The following CHTF8 variants were observed in gnomAD, a reference collection of about 807,000 sequenced individuals.
CHTF8 encodes chromosome transmission fidelity protein 8 homolog.
Under a neutral mutation model 11.0 loss-of-function variants are expected in CHTF8, and 6 were observed. That is an observed-to-expected ratio of 0.55 (90% confidence interval 0.30 to 1.08). The LOEUF (loss-of-function observed/expected upper bound fraction) is 1.08. Among genes scored for constraint, CHTF8 ranks in the 50% least tolerant of loss-of-function variants. The pLI is 0.07. For missense variants in CHTF8, 140 were observed against 153.1 expected, an observed-to-expected ratio of 0.91 and a Z score of 0.45; for synonymous variants, 53 against 60.5, an observed-to-expected ratio of 0.88 and a Z score of 0.57.
At chr16:69,131,571 A>C (rs1178107830) in intron 1 of CHTF8, among the ~76,000 whole-genome samples, 1 of 129,128 alleles carries the variant, frequency 7.7e-6, no homozygotes, top group Non-Finnish European at 1.6e-5. Flanking sequence ...TTCTAGTCCC[A>C]CCCACTTTCT....
chr16:69,132,488 A>C lies in CHTF8; in HGVS notation c.-40T>G. 3.8e-6 allele frequency: 1 copy of C among 263,242 alleles called. No individual in the cohort carries two copies. 16.3% of individuals were successfully genotyped at this position (263,242 alleles called of 1,614,324 possible). The stretch of plus-strand genomic sequence containing the variant: ...GCCCCCCGCCCGCGGCCTGACCTGC[A>C]ATGGCGGCCGCCGAGCGCGGCGCCG... On this transcript the variant is annotated 5_prime_UTR_variant, in exon 1 of 4. In the 5' UTR this introduces an upstream ATG that the reference lacks. Transcript: ENST00000448552.
In CHTF8 at chr16:69,119,899, A is replaced by C; in HGVS notation, c.*526T>G. 1 of 702,280 alleles carries C rather than the reference A, an allele frequency of 1.4e-6. No individual in the cohort carries two copies. Among genetic ancestry groups the C allele is most frequent in the Admixed American group, 2.0e-5 (1 of 50,026 alleles). 43.5% of individuals were successfully genotyped at this position (702,280 alleles called of 1,614,324 possible). On this transcript the variant is annotated 3_prime_UTR_variant, in exon 4 of 4. Coordinates refer to ENST00000448552, the MANE Select transcript of CHTF8 (RefSeq NM_001039690.5). ...CAGGTTAGGTCCAGATCCAGGGCCC[A>C]TGGGACCACCACCTCTGGGGTCAGG... is the stretch of plus-strand genomic sequence containing the variant.
rs1961353904 is a variant in CHTF8, at chr16:69,118,599, A to C, written c.*1826T>G. 2.8e-6 allele frequency: 2 copies of C among 717,894 alleles called. No individual in the cohort carries two copies. The highest frequency in any genetic ancestry group is 2.5e-6 in the Non-Finnish European group (1 of 393,244). The allele number at this position is 717,894 out of a possible 1,614,324, so 44.5% of individuals were successfully genotyped here. ...GGGCAGAAAGCTGTGGGACGAAAGC[A>C]CAGCAGGCTTCTGGGAGGCTGGAGA... On this transcript the variant is annotated 3_prime_UTR_variant, in exon 4 of 4. Transcript: ENST00000448552.
Position 69,120,585 on chromosome 16 carries a change from G to C in CHTF8, c.206C>G (p.Pro69Arg). Residue 69 changes from proline to arginine, a missense_variant, in exon 4 of 4, where the codon CCT (proline) becomes CGT (arginine). Pro to Arg is a moderately radical substitution (Grantham distance 103). Coordinates refer to ENST00000448552, the MANE Select transcript of CHTF8 (RefSeq NM_001039690.5). This position sits in a 1 kb window ranked among gnomAD's most constrained non-coding sequence, Gnocchi z 4.0. Reference sequence around the variant, plus strand: ...AGTGTGTTTGACAAGGACTGCAAAAGGTTTCTCCAGGTGGATGATTTTCCC... The same window carrying C: ...AGTGTGTTTGACAAGGACTGCAAAACGTTTCTCCAGGTGGATGATTTTCCC... The part of the protein sequence containing the change: ...LYGKIIHLEK[P>R]FAVLVKHTPG... 1.2e-6 allele frequency: 2 copies of C among 1,614,086 alleles called. No individual in the cohort carries two copies. Among genetic ancestry groups the C allele is most frequent in the Non-Finnish European group, 1.7e-6 (2 of 1,179,990 alleles).
chr16:69,120,063 G>C lies in CHTF8; in HGVS notation c.*362C>G, dbSNP rs761382384. On this transcript the variant is annotated 3_prime_UTR_variant, in exon 4 of 4. Coordinates refer to ENST00000448552, the MANE Select transcript of CHTF8 (RefSeq NM_001039690.5). This position sits in a 1 kb window ranked among gnomAD's most constrained non-coding sequence, Gnocchi z 4.0. ...GGTTTAGGGTGGGGCCTGGGCCTGG[G>C]CCTGGCCCCAAGAGGCCACCAGGCC... 7.2e-6 allele frequency: 5 copies of C among 691,010 alleles called. No homozygotes were observed. In the East Asian group the frequency reaches 8.1e-5, roughly 11 times the overall value. The allele number at this position is 691,010 out of a possible 1,614,324, so 42.8% of individuals were successfully genotyped here. A position where few individuals can be genotyped will look rare whatever the true frequency, so the allele number is the denominator to read the frequency against.
At chr16:69,127,096 C>G (rs56237738) in intron 1 of CHTF8, among the ~76,000 whole-genome samples, 1 of 151,870 alleles carries the variant, frequency 6.6e-6, no homozygotes, top group Non-Finnish European at 1.5e-5. Context: ...AAATTAGCCG[C>G]GCGTGGTGGC....
Position 69,118,761 on chromosome 16 carries a change from C to T in CHTF8, c.*1664G>A, listed in dbSNP as rs1961369919. ...TTGAGCCCAAGCTATGTTCTTCAGA[C>T]TGTAGCTCCACAACTACCCTTTTAC... On this transcript the variant is annotated 3_prime_UTR_variant, in exon 4 of 4. Transcript: ENST00000448552. 1.6e-6 allele frequency: 1 copy of T among 639,756 alleles called. No individual in the cohort carries two copies. Among genetic ancestry groups the T allele is most frequent in the Admixed American group, 2.4e-5 (1 of 40,856 alleles). 39.6% of individuals were successfully genotyped at this position (639,756 alleles called of 1,614,324 possible).
chr16:69,119,545 G>A lies in CHTF8; in HGVS notation c.*880C>T, dbSNP rs1197026057. 1 of 702,926 alleles carries A rather than the reference G, an allele frequency of 1.4e-6. No individual in the cohort carries two copies. Among genetic ancestry groups the A allele is most frequent in the Non-Finnish European group, 2.6e-6 (1 of 384,946 alleles). 43.5% of individuals were successfully genotyped at this position (702,926 alleles called of 1,614,324 possible). On this transcript the variant is annotated 3_prime_UTR_variant, in exon 4 of 4. Coordinates refer to ENST00000448552, the MANE Select transcript of CHTF8 (RefSeq NM_001039690.5). ...TGGGCTTGTGCCCATGTTTCCAGAA[G>A]CCTGTGAGAAAGAAGCTGAATTTGC...
chr16:69,128,573 G>A (rs1172652721), intron 1 of CHTF8, among the ~76,000 whole-genome samples: 1 of 152,014 alleles, frequency 6.6e-6, no homozygotes, highest in Non-Finnish European at 1.5e-5. Context: ...GTATTCCTAA[G>A]TTAGTCAAAC....
Position 69,118,127 on chromosome 16 carries a change from A to AAAT in CHTF8, c.*2297_*2298insATT. On this transcript the variant is annotated 3_prime_UTR_variant, in exon 4 of 4. Transcript: ENST00000448552. ...CAGTGATTTCTTCCCTTCATCCCCC[A>AAAT]CCCCCACCCTAATTCCCATATTCCC... The AAAT allele has an allele frequency of 7.2e-6, 1 of 138,046 alleles. No individual in the cohort carries two copies. Among genetic ancestry groups the AAAT allele is most frequent in the South Asian group, 6.3e-5 (1 of 15,792 alleles). The allele number at this position is 138,046 out of a possible 1,614,324, so 8.6% of individuals were successfully genotyped here.
Position 69,120,176 on chromosome 16 carries a change from G to A in CHTF8, c.*249C>T, listed in dbSNP as rs568141371. On this transcript the variant is annotated 3_prime_UTR_variant, in exon 4 of 4. Coordinates refer to ENST00000448552, the MANE Select transcript of CHTF8 (RefSeq NM_001039690.5). This position sits in a 1 kb window ranked among gnomAD's most constrained non-coding sequence, Gnocchi z 4.0. ...GGGTCACGAGCACCAGCCGGGAAAG[G>A]TGCTGGATTTGAAGCCAATGAGCCT... is the stretch of plus-strand genomic sequence containing the variant. The A allele has an allele frequency of 2.9e-6, 2 of 701,710 alleles. No individual in the cohort carries two copies. Among genetic ancestry groups the A allele is most frequent in the Admixed American group, 2.0e-5 (1 of 50,028 alleles). 43.5% of individuals were successfully genotyped at this position (701,710 alleles called of 1,614,324 possible). A position where few individuals can be genotyped will look rare whatever the true frequency, so the allele number is the denominator to read the frequency against.
Position 69,118,770 on chromosome 16 carries a change from C to T in CHTF8, c.*1655G>A. On this transcript the variant is annotated 3_prime_UTR_variant, in exon 4 of 4. Transcript: ENST00000448552. Reference sequence around the variant, plus strand: ...AGCTATGTTCTTCAGACTGTAGCTCCACAACTACCCTTTTACCTAAGACAG... The same window carrying T: ...AGCTATGTTCTTCAGACTGTAGCTCTACAACTACCCTTTTACCTAAGACAG... 1 of 639,810 alleles carries T rather than the reference C, an allele frequency of 1.6e-6. No homozygotes were observed. Among genetic ancestry groups the T allele is most frequent in the South Asian group, 1.8e-5 (1 of 55,550 alleles). The allele number at this position is 639,810 out of a possible 1,614,324, so 39.6% of individuals were successfully genotyped here. A position where few individuals can be genotyped will look rare whatever the true frequency, so the allele number is the denominator to read the frequency against.
In CHTF8 at chr16:69,120,899, G is replaced by A. The variant is rs745497016; in HGVS notation, c.141+154C>T. 1.0e-4 allele frequency: 83 copies of A among 798,502 alleles called. No homozygotes were observed. The highest frequency in any genetic ancestry group is 1.5e-4 in the Non-Finnish European group (69 of 446,052). 49.5% of individuals were successfully genotyped at this position (798,502 alleles called of 1,614,324 possible). ...CCCAAAATTAAATTTCCCTGCTACTGCAGAGGTAGGGGGAGAACAAGCAGA... is the reference window on the plus strand; with the variant it reads ...CCCAAAATTAAATTTCCCTGCTACTACAGAGGTAGGGGGAGAACAAGCAGA... On this transcript the variant is annotated intron_variant, in intron 3 of 3. Coordinates refer to ENST00000448552, the MANE Select transcript of CHTF8 (RefSeq NM_001039690.5). The surrounding 1 kb of genome is among the most constrained non-coding windows in gnomAD (Gnocchi z 4.0).
Position 69,120,258 on chromosome 16 carries a change from A to G in CHTF8, c.*167T>C. 1 of 723,628 alleles carries G rather than the reference A, an allele frequency of 1.4e-6. No individual in the cohort carries two copies. Among genetic ancestry groups the G allele is most frequent in the Non-Finnish European group, 2.5e-6 (1 of 400,730 alleles). The allele number at this position is 723,628 out of a possible 1,614,324, so 44.8% of individuals were successfully genotyped here. On this transcript the variant is annotated 3_prime_UTR_variant, in exon 4 of 4. Coordinates refer to ENST00000448552, the MANE Select transcript of CHTF8 (RefSeq NM_001039690.5). This position sits in a 1 kb window ranked among gnomAD's most constrained non-coding sequence, Gnocchi z 4.0. The stretch of plus-strand genomic sequence containing the variant: ...GAAATGGGGTCAGATTTCCACCAAG[A>G]GAACCGGCCGCCATAAGGAAGGGAT...
intron 1 of CHTF8, among the ~76,000 whole-genome samples, chr16:69,128,496 A>G (rs1044539221): frequency 6.6e-6 from 1 of 152,222 alleles, no homozygotes; most frequent in Non-Finnish European, 1.5e-5. Context: ...GAGGAGGGAA[A>G]AAAGTTTTCT....
Position 69,118,521 on chromosome 16 carries a change from T to A in CHTF8, c.*1904A>T, listed in dbSNP as rs775897961. On this transcript the variant is annotated 3_prime_UTR_variant, in exon 4 of 4. Transcript: ENST00000448552. ...GTGAACTGGGACCTGCAGGCCAATG[T>A]ATCCCTGAGGAAAAGTCCACAAGAA... is the stretch of plus-strand genomic sequence containing the variant. The A allele has an allele frequency of 1.0e-6, 1 of 994,580 alleles. No homozygotes were observed. The highest frequency in any genetic ancestry group is 1.6e-5 in the African/African-American group (1 of 63,120). 61.6% of individuals were successfully genotyped at this position (994,580 alleles called of 1,614,324 possible).
chr16:69,120,454 T>A lies in CHTF8; in HGVS notation c.337A>T (p.Ile113Phe). ...ACTTTCTTGGGGACGCTGGTGATAATGGGCTTGGGGCGGGTTTTGAAAAGG... is the reference window on the plus strand; with the variant it reads ...ACTTTCTTGGGGACGCTGGTGATAAAGGGCTTGGGGCGGGTTTTGAAAAGG... ...KILFKTRPKP[I>F]ITSVPKKV is the part of the protein sequence containing the mutation. Residue 113 changes from isoleucine to phenylalanine, a missense_variant, in exon 4 of 4, where the codon ATT (isoleucine) becomes TTT (phenylalanine). Coordinates refer to ENST00000448552, the MANE Select transcript of CHTF8 (RefSeq NM_001039690.5). This position sits in a 1 kb window ranked among gnomAD's most constrained non-coding sequence, Gnocchi z 4.0. 6.2e-7 allele frequency: 1 copy of A among 1,614,122 alleles called. No homozygotes were observed. Among genetic ancestry groups the A allele is most frequent in the South Asian group, 1.1e-5 (1 of 91,080 alleles).
At chr16:69,130,631 G>A (rs1962429745) in intron 1 of CHTF8, among the ~76,000 whole-genome samples, 1 of 152,178 alleles carries the variant, frequency 6.6e-6, no homozygotes, top group East Asian at 1.9e-4. Context: ...TATTTTGAAA[G>A]GCTGTTGCAA....
chr16:69,129,279 A>C (rs1433601217), intron 1 of CHTF8, among the ~76,000 whole-genome samples: 1 of 151,394 alleles, frequency 6.6e-6, no homozygotes, highest in East Asian at 1.9e-4. Context: ...AAATACAAAA[A>C]ATTAGCCGGG....
Sources: gnomAD v4.1 joint callset for allele counts (sites outside exome capture counted in the v4.1 genomes callset) on GRCh38, gnomAD v4.1.1 for gene constraint, Gnocchi (gnomAD v3.1) non-coding constraint, MANE v1.5 for transcripts, NCBI Gene and HGNC (gene_info 2026-07-23, HGNC 2026-07-21) for gene names.